The following ZC3H12A variants were observed in gnomAD, a reference collection of about 807,000 sequenced individuals.
The protein encoded by ZC3H12A is zinc finger CCCH-type containing 12A, also known as endoribonuclease ZC3H12A.
ZC3H12A carries 9 observed loss-of-function variants against 29.9 expected under a neutral mutation model. The ratio of observed to expected loss-of-function variants is 0.30; its 90% CI spans 0.18 to 0.53. ZC3H12A has a LOEUF of 0.53. Ranked by LOEUF, ZC3H12A falls within the 20% of genes least tolerant of loss-of-function variation. The probability of loss-of-function intolerance (pLI) is 0.96; values close to 1 mark genes in which losing one functional copy is unlikely to be tolerated. For synonymous variants in ZC3H12A, 323 were observed against 338.1 expected, an observed-to-expected ratio of 0.96 and a Z score of 0.49; for missense variants, 617 against 799.0, an observed-to-expected ratio of 0.77 and a Z score of 2.75.
Position 37,482,997 on chromosome 1 carries a change from C to T in ZC3H12A, c.1186C>T (p.Gln396Ter). 6.2e-7 allele frequency: 1 copy of T among 1,610,178 alleles called. No individual in the cohort carries two copies. The highest frequency in any genetic ancestry group is 8.5e-7 in the Non-Finnish European group (1 of 1,178,406). The change falls in exon 6 of 6, where the codon CAG (glutamine) becomes TAG (stop). Residue 396 changes from glutamine to a stop codon, truncating the protein, a stop_gained. Transcript: ENST00000373087. LOFTEE classifies it low-confidence loss of function (END_TRUNC). ...AGGGTCCCGCCAAGAGGGTCTAACA[C>T]AGACCTATGCCCCATCAGGCAGGAG... ...SPGSRQEGLT[Q>*]TYAPSGRSLA...
rs559145243 is a variant in ZC3H12A, at chr1:37,478,600, C to T, written c.444-1690C>T. Reference sequence around the variant, plus strand: ...TGCGATCAGGGTCTGTGCCTGCCTTCGTACCTGCCTGAGCATTGACGTACA... The same window carrying T: ...TGCGATCAGGGTCTGTGCCTGCCTTTGTACCTGCCTGAGCATTGACGTACA... On this transcript the variant is annotated intron_variant, in intron 2 of 5. Transcript: ENST00000373087. This position sits in a 1 kb window ranked among gnomAD's most constrained non-coding sequence, Gnocchi z 5.2. Among the ~76,000 whole-genome samples, 73 of 152,324 alleles carry T rather than the reference C, an allele frequency of 4.8e-4. No individual in the cohort carries two copies. The highest frequency in any genetic ancestry group is 1.7e-3 in the African/African-American group (70 of 41,566).
intron 4 of ZC3H12A, chr1:37,482,212 C>T (rs866452542): frequency 5.0e-6 from 3 of 597,912 alleles, no homozygotes; most frequent in Non-Finnish European, 8.9e-6. Flanking sequence ...AGGGAGTTCC[C>T]CTAAAGGTGC....
rs752328800 is a variant in ZC3H12A at position 37,481,588 on chromosome 1, C to T, written c.584-13C>T. 6.2e-6 allele frequency: 10 copies of T among 1,613,610 alleles called. No individual in the cohort carries two copies. Among genetic ancestry groups the T allele is most frequent in the East Asian group, 2.2e-5 (1 of 44,882 alleles). On this transcript the variant is annotated splice_polypyrimidine_tract_variant and intron_variant, in intron 3 of 5. Transcript: ENST00000373087. Reference sequence around the variant, plus strand: ...CGCTGGGCCCTGACCTGTGTGCACCCGTCACCTCCCAGACCAGCACATCCT... The same window carrying T: ...CGCTGGGCCCTGACCTGTGTGCACCTGTCACCTCCCAGACCAGCACATCCT...
Position 37,481,954 on chromosome 1 carries a change from G to A in ZC3H12A, c.818+119G>A, listed in dbSNP as rs866712933. On this transcript the variant is annotated intron_variant, in intron 4 of 5. Transcript: ENST00000373087. ...CGGGGCCCTGTGGCCATGGGAGGTTGCGGGTCTTGGCTCCAGGCAGCTTTG... is the reference window on the plus strand; with the variant it reads ...CGGGGCCCTGTGGCCATGGGAGGTTACGGGTCTTGGCTCCAGGCAGCTTTG... 5 of 969,172 alleles carry A rather than the reference G, an allele frequency of 5.2e-6. No homozygotes were observed. In the African/African-American group the frequency reaches 6.5e-5, roughly 13 times the overall value. 60.0% of individuals were successfully genotyped at this position (969,172 alleles called of 1,614,324 possible).
Position 37,482,717 on chromosome 1 carries a change from C to T in ZC3H12A, c.926-20C>T. 3 of 1,613,324 alleles carry T rather than the reference C, an allele frequency of 1.9e-6. No individual in the cohort carries two copies. Among genetic ancestry groups the T allele is most frequent in the Non-Finnish European group, 1.7e-6 (2 of 1,180,026 alleles). ...TTCTGAAGTGCCCCTGCTTAGAGTC[C>T]CTCTTGATTCCTCTTCCAGGAAGGA... On this transcript the variant is annotated intron_variant, in intron 5 of 5. Coordinates refer to ENST00000373087, the MANE Select transcript of ZC3H12A (RefSeq NM_025079.3).
chr1:37,477,833 C>T (rs946593131), intron 2 of ZC3H12A, among the ~76,000 whole-genome samples: 2 of 152,174 alleles, frequency 1.3e-5, no homozygotes, highest in African/African-American at 4.8e-5. Flanking sequence ...TAGGGGGGCA[C>T]TCCAGGCCTC....
chr1:37,482,313 G>T (rs753428798), intron 4 of ZC3H12A, 121 bp from the exon 5 acceptor site: 14 of 848,744 alleles, frequency 1.6e-5, no homozygotes, highest in Admixed American at 4.7e-5. Context: ...TCCTGGACAG[G>T]CCCCAGTTTT....
rs755804304 is a variant in ZC3H12A, at chr1:37,475,450, G to C, written c.-38-9G>C. ...CTATTCACCGTCCCTAACCCTGTTGGTTGTTCAGTAGGAGCTGTGGCGCGG... is the reference window on the plus strand; with the variant it reads ...CTATTCACCGTCCCTAACCCTGTTGCTTGTTCAGTAGGAGCTGTGGCGCGG... On this transcript the variant is annotated splice_polypyrimidine_tract_variant and intron_variant, in intron 1 of 5. Transcript: ENST00000373087. This position sits in a 1 kb window ranked among gnomAD's most constrained non-coding sequence, Gnocchi z 5.2. 3 of 1,550,942 alleles carry C rather than the reference G, an allele frequency of 1.9e-6. No individual in the cohort carries two copies. The East Asian group carries it at 6.8e-5, about 35-fold the overall frequency.
Position 37,482,462 on chromosome 1 carries a change from C to A in ZC3H12A, c.847C>A (p.Arg283=). 1 of 1,613,902 alleles carries A rather than the reference C, an allele frequency of 6.2e-7. No individual in the cohort carries two copies. Among genetic ancestry groups the A allele is most frequent in the African/African-American group, 1.3e-5 (1 of 75,016 alleles). ...TATGCCCCCTGATGACCCACTGGGC[C>A]GGCACGGGCCCAGCCTGGACAACTT... ...KFMPPDDPLG[R]HGPSLDNFLR... is the part of the protein sequence containing the mutation. Residue 283 remains arginine (R), a synonymous_variant, in exon 5 of 6, where the codon CGG becomes AGG. Transcript: ENST00000373087.
Position 37,475,600 on chromosome 1 carries a change from G to C in ZC3H12A, c.104G>C (p.Gly35Ala). The change falls in exon 2 of 6, where the codon GGT becomes GCT. Residue 35 changes from glycine (G) to alanine (A), a missense_variant. Coordinates refer to ENST00000373087, the MANE Select transcript of ZC3H12A (RefSeq NM_025079.3). The surrounding 1 kb of genome is among the most constrained non-coding windows in gnomAD (Gnocchi z 5.2). ...AGCCGTCAGGGCACCCCAAGGCCGG[G>C]TCAAGAGCTGGCCGCTGAGGAGGCC... Reference protein sequence around the residue: ...SHSRQGTPRPGQELAAEEASA... With the variant: ...SHSRQGTPRPAQELAAEEASA... 6.2e-7 allele frequency: 1 copy of C among 1,614,052 alleles called. No individual in the cohort carries two copies. Among genetic ancestry groups the C allele is most frequent in the Non-Finnish European group, 8.5e-7 (1 of 1,180,034 alleles).
chr1:37,482,976 T>G lies in ZC3H12A; in HGVS notation c.1165T>G (p.Ser389Ala). Residue 389 changes from serine (S) to alanine (A), a missense_variant, in exon 6 of 6, where the codon TCC (serine) becomes GCC (alanine). Ser to Ala is a moderately conservative substitution (Grantham distance 99). Around this residue, in one of 5 missense-constraint regions of ZC3H12A, gnomAD observed 115 missense variants for 112.5 expected, o/e 1.02. Coordinates refer to ENST00000373087, the MANE Select transcript of ZC3H12A (RefSeq NM_025079.3). Reference sequence around the variant, plus strand: ...GCTGGGGGCCCAGGCATCCCCAGGGTCCCGCCAAGAGGGTCTAACACAGAC... The same window carrying G: ...GCTGGGGGCCCAGGCATCCCCAGGGGCCCGCCAAGAGGGTCTAACACAGAC... ...KKLGAQASPGSRQEGLTQTYA... is the reference protein window; with the variant it reads ...KKLGAQASPGARQEGLTQTYA... 1 of 1,611,672 alleles carries G rather than the reference T, an allele frequency of 6.2e-7. No homozygotes were observed. Among genetic ancestry groups the G allele is most frequent in the Non-Finnish European group, 8.5e-7 (1 of 1,179,212 alleles).
Position 37,475,837 on chromosome 1 carries a change from G to A in ZC3H12A, c.341G>A (p.Gly114Asp). The change falls in exon 2 of 6, where the codon GGC becomes GAC. Residue 114 changes from glycine to aspartate, a missense_variant. By Grantham distance (94) the Gly-to-Asp change is moderately conservative. This residue lies in a region of ZC3H12A where 255 missense variants were observed against 402.5 expected (regional missense o/e 0.63). Transcript: ENST00000373087. The surrounding 1 kb of genome is among the most constrained non-coding windows in gnomAD (Gnocchi z 5.2). Reference sequence around the variant, plus strand: ...CTCCCTCTAGTCCCGCGGGGTGGTGGCACCCCTAAGGCTCCCAACCTGGAG... The same window carrying A: ...CTCCCTCTAGTCCCGCGGGGTGGTGACACCCCTAAGGCTCCCAACCTGGAG... ...PQLPLVPRGG[G>D]TPKAPNLEPP... 6.2e-7 allele frequency: 1 copy of A among 1,600,352 alleles called. No individual in the cohort carries two copies. The highest frequency in any genetic ancestry group is 8.5e-7 in the Non-Finnish European group (1 of 1,171,614).
At chr1:37,477,483 A>C (rs1306677038) in intron 2 of ZC3H12A, among the ~76,000 whole-genome samples, 1 of 151,030 alleles carries the variant, frequency 6.6e-6, no homozygotes, top group Non-Finnish European at 1.5e-5. Context: ...CTGCCCGGCC[A>C]CCCCCCCTCC....
chr1:37,477,052 T>C (rs1641605690), intron 2 of ZC3H12A, among the ~76,000 whole-genome samples: 1 of 152,166 alleles, frequency 6.6e-6, no homozygotes, highest in South Asian at 2.1e-4. Context: ...CTTCCCTCCT[T>C]CTGTCACCTT....
chr1:37,483,150 A>T lies in ZC3H12A; in HGVS notation c.1339A>T (p.Met447Leu). ...GGGCATTGGCTCCCTGGAGAGCCAGATGTCGGAACTTTGGGGGGTTCGAGG... is the reference window on the plus strand; with the variant it reads ...GGGCATTGGCTCCCTGGAGAGCCAGTTGTCGGAACTTTGGGGGGTTCGAGG... ...DSGIGSLESQ[M>L]SELWGVRGGG... The change falls in exon 6 of 6, where the codon ATG becomes TTG. Residue 447 changes from methionine to leucine, a missense_variant. Transcript: ENST00000373087. The T allele has an allele frequency of 6.2e-7, 1 of 1,613,518 alleles. No individual in the cohort carries two copies. Among genetic ancestry groups the T allele is most frequent in the Non-Finnish European group, 8.5e-7 (1 of 1,179,932 alleles).
Position 37,475,424 on chromosome 1 carries a change from G to C in ZC3H12A, c.-38-35G>C. On this transcript the variant is annotated intron_variant, in intron 1 of 5. Coordinates refer to ENST00000373087, the MANE Select transcript of ZC3H12A (RefSeq NM_025079.3). The surrounding 1 kb of genome is among the most constrained non-coding windows in gnomAD (Gnocchi z 5.2). ...TTTGGGAGGGAGGTTAGGAGAGAGC[G>C]CTATTCACCGTCCCTAACCCTGTTG... The C allele has an allele frequency of 6.8e-7, 1 of 1,479,836 alleles. No individual in the cohort carries two copies. The highest frequency in any genetic ancestry group is 9.1e-7 in the Non-Finnish European group (1 of 1,100,780). The allele number at this position is 1,479,836 out of a possible 1,614,324, so 91.7% of individuals were successfully genotyped here.
At position 37,481,658 on chromosome 1, in the gene ZC3H12A, G is replaced by A; in HGVS notation, c.641G>A (p.Arg214Gln). The A allele has an allele frequency of 1.9e-6, 3 of 1,614,238 alleles. No homozygotes were observed. Among genetic ancestry groups the A allele is most frequent in the Non-Finnish European group, 2.5e-6 (3 of 1,180,042 alleles). Reference sequence around the variant, plus strand: ...AAGATCCTGGTGTTCACACCATCACGACGCGTGGGTGGCAAGCGGGTGGTG... The same window carrying A: ...AAGATCCTGGTGTTCACACCATCACAACGCGTGGGTGGCAAGCGGGTGGTG... ...KKKILVFTPS[R>Q]RVGGKRVVCY... Residue 214 changes from arginine (R) to glutamine (Q), a missense_variant, in exon 4 of 6, where the codon CGA (arginine) becomes CAA (glutamine). This residue lies in a region of ZC3H12A where 255 missense variants were observed against 402.5 expected (regional missense o/e 0.63). Transcript: ENST00000373087.
Position 37,475,586 on chromosome 1 carries a change from C to T in ZC3H12A, c.90C>T (p.Gly30=). 6.2e-7 allele frequency: 1 copy of T among 1,613,998 alleles called. No individual in the cohort carries two copies. Among genetic ancestry groups the T allele is most frequent in the Non-Finnish European group, 8.5e-7 (1 of 1,180,034 alleles). The change falls in exon 2 of 6, where the codon GGC becomes GGT. Residue 30 remains glycine, a synonymous_variant. Transcript: ENST00000373087. This position sits in a 1 kb window ranked among gnomAD's most constrained non-coding sequence, Gnocchi z 5.2. ...WEFEDSHSRQ[G]TPRPGQELAA... ...TTGAGGACAGCCACAGCCGTCAGGG[C>T]ACCCCAAGGCCGGGTCAAGAGCTGG... is the stretch of plus-strand genomic sequence containing the variant.
In ZC3H12A at chr1:37,483,138, C is replaced by A; in HGVS notation, c.1327C>A (p.Leu443Met). The change falls in exon 6 of 6, where the codon CTG (leucine) becomes ATG (methionine). Residue 443 changes from leucine (L) to methionine (M), a missense_variant. Around this residue, in one of 5 missense-constraint regions of ZC3H12A, gnomAD observed 8 missense variants for 24.8 expected, o/e 0.32. Coordinates refer to ENST00000373087, the MANE Select transcript of ZC3H12A (RefSeq NM_025079.3). ...TTGCCTGGACTCGGGCATTGGCTCC[C>A]TGGAGAGCCAGATGTCGGAACTTTG... is the stretch of plus-strand genomic sequence containing the variant. ...QDCLDSGIGSLESQMSELWGV... is the reference protein window; with the variant it reads ...QDCLDSGIGSMESQMSELWGV... The A allele has an allele frequency of 6.2e-7, 1 of 1,613,552 alleles. No individual in the cohort carries two copies. The highest frequency in any genetic ancestry group is 8.5e-7 in the Non-Finnish European group (1 of 1,179,932).
Sources: gnomAD v4.1 joint callset for allele counts (sites outside exome capture counted in the v4.1 genomes callset) on GRCh38, gnomAD v4.1.1 for gene constraint, gnomAD v4.1.1 regional missense constraint, Gnocchi (gnomAD v3.1) non-coding constraint, MANE v1.5 for transcripts, NCBI Gene and HGNC (gene_info 2026-07-23, HGNC 2026-07-21) for gene names.